Variants in TULP4 observed in about 807,000 individuals in gnomAD.
TULP4 encodes the protein TUB like protein 4, also known as tubby-related protein 4.
In TULP4, 16 loss-of-function variants were observed where a neutral mutation model predicts 129.0. That is an observed-to-expected ratio of 0.12 (90% CI 0.08 to 0.19). TULP4 has a LOEUF of 0.19. Ranked by LOEUF, TULP4 falls within the 10% of genes least tolerant of loss-of-function variation. TULP4 has a pLI of 1.00. For missense variants in TULP4, 1,842 were observed against 2,059.1 expected, an observed-to-expected ratio of 0.89 and a Z score of 2.04; for synonymous variants, 998 against 854.0, an observed-to-expected ratio of 1.17 and a Z score of -2.94.
chr6:158,287,548 G>A (rs1340042184), intron 1 of TULP4, among the ~76,000 whole-genome samples: 1 of 152,184 alleles, frequency 6.6e-6, no homozygotes, highest in African/African-American at 2.4e-5. Context: ...TAGCACGGAT[G>A]ATAAGGGCTC....
chr6:158,465,239 T>A (rs2115197379), intron 6 of TULP4, among the ~76,000 whole-genome samples: 1 of 152,324 alleles, frequency 6.6e-6, no homozygotes, highest in East Asian at 1.9e-4. Flanking sequence ...TAGAATTTTA[T>A]TTTTGGTTTA....
At chr6:158,326,243 T>G (rs1222395284) in intron 1 of TULP4, among the ~76,000 whole-genome samples, 18 of 152,240 alleles carry the variant, frequency 1.2e-4, no homozygotes, top group Admixed American at 1.2e-3. Flanking sequence ...TTAGTTTATC[T>G]ATTGCAAAAC....
intron 1 of TULP4, among the ~76,000 whole-genome samples, chr6:158,346,066 C>T (rs1235271035): frequency 6.6e-6 from 1 of 152,138 alleles, no homozygotes; most frequent in Non-Finnish European, 1.5e-5. Context: ...TTTTGCCCGA[C>T]CCCACAGGCA....
chr6:158,421,911 T>C (rs952813074), intron 2 of TULP4, among the ~76,000 whole-genome samples: 2 of 152,140 alleles, frequency 1.3e-5, no homozygotes, highest in African/African-American at 2.4e-5. Context: ...AGATAGGAAT[T>C]TGGGCAAGGT....
At chr6:158,459,912 T>C (rs771773635) in intron 5 of TULP4, among the ~76,000 whole-genome samples, 62 of 152,220 alleles carry the variant, frequency 4.1e-4, no homozygotes, top group Non-Finnish European at 7.8e-4. Context: ...ATCCAGGCAT[T>C]GAATGCCCAG....
Position 158,313,511 on chromosome 6 carries a change from T to A in TULP4, c.-506T>A. On this transcript the variant is annotated 5_prime_UTR_variant, in exon 1 of 14. Coordinates refer to ENST00000367097, the MANE Select transcript of TULP4 (RefSeq NM_020245.5). The stretch of plus-strand genomic sequence containing the variant: ...GGAAGATGATCCTGTGTATTCTGTC[T>A]CTGCATCCGAACTTTTGAAGAGAAA... The A allele has an allele frequency of 2.5e-6, 1 of 403,008 alleles. No individual in the cohort carries two copies. Among genetic ancestry groups the A allele is most frequent in the Admixed American group, 4.2e-5 (1 of 23,686 alleles). The allele number at this position is 403,008 out of a possible 1,614,324, so 25.0% of individuals were successfully genotyped here.
intron 1 of TULP4, among the ~76,000 whole-genome samples, chr6:158,320,271 C>T (rs1434737595): frequency 6.6e-6 from 1 of 151,896 alleles, no homozygotes; most frequent in Non-Finnish European, 1.5e-5. Flanking sequence ...AATAGGTGGG[C>T]AGGTATGTCA....
chr6:158,246,855 T>C (rs1778040791), intron 1 of TULP4, among the ~76,000 whole-genome samples: 1 of 152,230 alleles, frequency 6.6e-6, no homozygotes, highest in Non-Finnish European at 1.5e-5. Context: ...AATTGAAATG[T>C]AGTATTTATG....
intron 3 of TULP4, among the ~76,000 whole-genome samples, chr6:158,436,391 A>C (rs1028668378): frequency 1.3e-5 from 2 of 152,190 alleles, no homozygotes; most frequent in African/African-American, 2.4e-5. Flanking sequence ...ACTTGAAGGG[A>C]GGTTAATGGT....
chr6:158,325,106 C>CAGA (rs1487067275), intron 1 of TULP4, among the ~76,000 whole-genome samples: 1 of 152,218 alleles, frequency 6.6e-6, no homozygotes, highest in African/African-American at 2.4e-5. Context: ...AGAAGACTCT[C>CAGA]ATATTCAAAT....
rs1277058636 is a variant in TULP4 at position 158,503,363 on chromosome 6, A to G, written c.3700A>G (p.Ser1234Gly). The change falls in exon 13 of 14, where the codon AGC becomes GGC. Residue 1234 changes from serine to glycine, a missense_variant. Ser to Gly is a moderately conservative substitution (Grantham distance 56). Coordinates refer to ENST00000367097, the MANE Select transcript of TULP4 (RefSeq NM_020245.5). This position sits in a 1 kb window ranked among gnomAD's most constrained non-coding sequence, Gnocchi z 4.3. ...GGTCCTTCAGCCGCTGTACCCACCC[A>G]GCCTCTCCTATTGCACCCTGCCCCC... ...AVVLQPLYPPSLSYCTLPPMY... is the reference protein window; with the variant it reads ...AVVLQPLYPPGLSYCTLPPMY... The G allele has an allele frequency of 8.1e-6, 13 of 1,613,694 alleles. No homozygotes were observed. The highest frequency in any genetic ancestry group is 2.2e-5 in the South Asian group (2 of 91,058).
chr6:158,248,034 A>T (rs745372902), intron 1 of TULP4, among the ~76,000 whole-genome samples: 5 of 152,246 alleles, frequency 3.3e-5, no homozygotes, highest in Admixed American at 1.3e-4. Context: ...TGCTGTGCGC[A>T]CAAAACCCAT....
intron 1 of TULP4, among the ~76,000 whole-genome samples, chr6:158,292,748 T>C (rs1467711881): frequency 6.6e-6 from 1 of 152,192 alleles, no homozygotes; most frequent in East Asian, 1.9e-4. Context: ...GAAATCCTTA[T>C]AGCCAAGTCT....
chr6:158,314,499 C>T (rs919753973), intron 1 of TULP4, among the ~76,000 whole-genome samples: 12 of 152,330 alleles, frequency 7.9e-5, no homozygotes, highest in Non-Finnish European at 7.4e-5. Context: ...CCCTGCTGTC[C>T]TCTCCCTGCA....
chr6:158,387,307 A>T (rs1263090531), intron 1 of TULP4, among the ~76,000 whole-genome samples: 1 of 152,208 alleles, frequency 6.6e-6, no homozygotes, highest in Non-Finnish European at 1.5e-5. Context: ...ACGATCTGTC[A>T]GTCCCGTATA....
chr6:158,328,080 GT>G (rs1779786298), intron 1 of TULP4, among the ~76,000 whole-genome samples: 3 of 10,514 alleles, frequency 2.9e-4, no homozygotes, highest in Non-Finnish European at 5.9e-4. Flanking sequence ...CTCAGAGCTG[GT>G]GTGTGTGTGT....
chr6:158,390,144 T>C lies in TULP4; in HGVS notation c.253-22921T>C, dbSNP rs559831369. On this transcript the variant is annotated intron_variant, in intron 1 of 13. Transcript: ENST00000367097. ...GAGAAAGTCAAAGGATAAAAAAGTATATAAAATGATATAACTTCTCTAGTA... is the reference window on the plus strand; with the variant it reads ...GAGAAAGTCAAAGGATAAAAAAGTACATAAAATGATATAACTTCTCTAGTA... Among the ~76,000 whole-genome samples the C allele has an allele frequency of 8.5e-5, 13 of 152,214 alleles. No individual in the cohort carries two copies. The South Asian group carries it at 2.3e-3, about 27-fold the overall frequency.
At chr6:158,475,547 C>G (rs1220464064) in intron 6 of TULP4, among the ~76,000 whole-genome samples, 1 of 152,204 alleles carries the variant, frequency 6.6e-6, no homozygotes, top group Non-Finnish European at 1.5e-5. Context: ...AGCAGCTGTT[C>G]AAACACAACG....
At chr6:158,379,097 G>A (rs1417316353) in intron 1 of TULP4, among the ~76,000 whole-genome samples, 1 of 152,204 alleles carries the variant, frequency 6.6e-6, no homozygotes, top group South Asian at 2.1e-4. Context: ...GAGAGTCCAG[G>A]CTGGCGGCAT....
Sources: gnomAD v4.1 joint callset for allele counts (sites outside exome capture counted in the v4.1 genomes callset) on GRCh38, gnomAD v4.1.1 for gene constraint, Gnocchi (gnomAD v3.1) non-coding constraint, MANE v1.5 for transcripts, NCBI Gene and HGNC (gene_info 2026-07-23, HGNC 2026-07-21) for gene names.